CACNA1C: variants seen among roughly 807,000 people sequenced by gnomAD.
CACNA1C encodes the protein voltage-dependent L-type calcium channel subunit alpha-1C.
In CACNA1C, 30 loss-of-function variants were observed where a neutral mutation model predicts 229.0. The observed-to-expected ratio is 0.13, with a 90% CI of 0.10 to 0.18. CACNA1C has a LOEUF of 0.18. Ranked by LOEUF, CACNA1C falls within the 10% of genes least tolerant of loss-of-function variation. The pLI, the probability that CACNA1C is intolerant of heterozygous loss-of-function variation, is 1.00. For synonymous variants in CACNA1C, 1,114 were observed against 1,132.5 expected (o/e 0.98, Z 0.33); for missense variants, 1,658 against 2,845.0 (o/e 0.58, Z 9.49).
chr12:2,626,712 G>A (rs953419456), intron 29 of CACNA1C, among the ~76,000 whole-genome samples: 1 of 151,976 alleles, frequency 6.6e-6, no homozygotes, highest in African/African-American at 2.4e-5. Flanking sequence ...ATCTACCCAG[G>A]TACAAACTGA....
intron 5 of CACNA1C, among the ~76,000 whole-genome samples, chr12:2,469,677 C>T (rs1174565407): frequency 6.6e-6 from 1 of 152,210 alleles, no homozygotes; most frequent in African/African-American, 2.4e-5. Flanking sequence ...GCACCATCAA[C>T]TGCATTGAGG....
At chr12:2,446,199 GTGGA>G (rs1173010543) in intron 3 of CACNA1C, among the ~76,000 whole-genome samples, 8,687 of 136,930 alleles carry the variant, frequency 0.063, 295 homozygotes, top group South Asian at 0.13. Context: ...AGGTGGGTGG[GTGGA>G]TGGATGGATG....
chr12:2,074,700 AC>A lies in CACNA1C; in HGVS notation c.49+21095del, dbSNP rs1415668486. 2.0e-5 allele frequency among the ~76,000 whole-genome samples: 3 copies of A among 151,796 alleles called. No individual in the cohort carries two copies. The East Asian group carries it at 5.8e-4, about 29-fold the overall frequency. ...TTTCCGCAGCAAATGGATGAATTAG[AC>A]CCCCCTGCTTCGATAAAATACTTTA... On this transcript the variant is annotated intron_variant, in intron 1 of 46. Transcript: ENST00000399655.
intron 3 of CACNA1C, among the ~76,000 whole-genome samples, chr12:2,431,029 C>G (rs1548649): frequency 0.47 from 72,169 of 152,134 alleles, 18,475 homozygotes; most frequent in Admixed American, 0.56. Context: ...AGGGAGCTCC[C>G]TTCATTGACG....
chr12:2,611,269 G>T (rs984125744), intron 28 of CACNA1C, among the ~76,000 whole-genome samples: 1 of 130,118 alleles, frequency 7.7e-6, no homozygotes, highest in Non-Finnish European at 1.6e-5. Context: ...GGATGAGCTG[G>T]ATGCGTTCAT....
intron 3 of CACNA1C, among the ~76,000 whole-genome samples, chr12:2,180,235 T>C (rs1024684365): frequency 1.6e-4 from 24 of 152,210 alleles, no homozygotes; most frequent in Non-Finnish European, 4.4e-5. Flanking sequence ...CTCTTAAGTG[T>C]AGATGAAGAG....
intron 1 of CACNA1C, among the ~76,000 whole-genome samples, chr12:2,105,638 G>T: frequency 9.1e-6 from 1 of 110,132 alleles, no homozygotes; most frequent in Non-Finnish European, 2.1e-5. Flanking sequence ...GCCCACCCCG[G>T]GGAGGGTTTC....
intron 9 of CACNA1C, among the ~76,000 whole-genome samples, chr12:2,530,473 G>A (rs1325266978): frequency 6.6e-6 from 1 of 152,186 alleles, no homozygotes; most frequent in Admixed American, 6.5e-5. Flanking sequence ...ATCTGTAGCA[G>A]TGGCCATCCT....
At chr12:2,167,433 C>CA (rs2096283873) in intron 3 of CACNA1C, among the ~76,000 whole-genome samples, 1 of 152,184 alleles carries the variant, frequency 6.6e-6, no homozygotes, top group Non-Finnish European at 1.5e-5. Context: ...ATATTCTAGA[C>CA]ATTGTTGATG....
At position 2,141,790 on chromosome 12, in the gene CACNA1C, G is replaced by T. The variant is rs553697982; in HGVS notation, c.477+21360G>T. Among the ~76,000 whole-genome samples the T allele has an allele frequency of 2.6e-5, 4 of 151,288 alleles. No individual in the cohort carries two copies. In the East Asian group the frequency reaches 7.7e-4, roughly 29 times the overall value. ...CCCAGATTGCTGTATATCTGACAGC[G>T]CTTGGCCCCCATCTATCTGGAAGTG... On this transcript the variant is annotated intron_variant, in intron 3 of 46. Transcript: ENST00000399655.
chr12:2,463,122 GA>G (rs1672634494), intron 5 of CACNA1C, among the ~76,000 whole-genome samples: 1 of 152,062 alleles, frequency 6.6e-6, no homozygotes, highest in East Asian at 1.9e-4. Context: ...GGTTAGCCAG[GA>G]TGGTCTCGAT....
intron 8 of CACNA1C, among the ~76,000 whole-genome samples, chr12:2,506,201 G>C (rs977830525): frequency 2.0e-5 from 3 of 152,310 alleles, no homozygotes; most frequent in Middle Eastern, 3.4e-3. Flanking sequence ...AGGGATAACA[G>C]TGATGAGCAG....
chr12:2,662,695 A>G (rs1050106519), intron 34 of CACNA1C, among the ~76,000 whole-genome samples: 1 of 152,234 alleles, frequency 6.6e-6, no homozygotes, highest in South Asian at 2.1e-4. Context: ...TTGAAGAACA[A>G]CAGGTTGGCA....
At chr12:2,618,896 T>C (rs1180514009) in intron 29 of CACNA1C, among the ~76,000 whole-genome samples, 2 of 152,324 alleles carry the variant, frequency 1.3e-5, no homozygotes, top group East Asian at 3.9e-4. Flanking sequence ...CTGGCTGAAA[T>C]GTACTTTCTC....
chr12:2,373,212 C>T (rs1009183820), intron 3 of CACNA1C, among the ~76,000 whole-genome samples: 1 of 152,184 alleles, frequency 6.6e-6, no homozygotes, highest in African/African-American at 2.4e-5. Flanking sequence ...CATATGTTTT[C>T]TACTTATATT....
chr12:2,106,266 G>A (rs1181831857), intron 1 of CACNA1C, among the ~76,000 whole-genome samples: 2 of 53,774 alleles, frequency 3.7e-5, no homozygotes, highest in African/African-American at 1.2e-4. Context: ...GCCACTGGGC[G>A]CCCACCCCGG....
rs565769314 is a variant in CACNA1C at position 2,690,383 on chromosome 12, G to A, written c.6118-517G>A. Among the ~76,000 whole-genome samples the A allele has an allele frequency of 7.0e-4, 106 of 152,340 alleles. No individual in the cohort carries two copies. In the Middle Eastern group the frequency reaches 0.01, roughly 15 times the overall value. On this transcript the variant is annotated intron_variant, in intron 46 of 46. Transcript: ENST00000399655. ...CTCGCTCTGTCACCCAGGCTGGAGT[G>A]TAGTGGTACAATCACAGCTCAGTGC... is the stretch of plus-strand genomic sequence containing the variant.
chr12:2,452,878 A>G (rs2099391241), intron 4 of CACNA1C, among the ~76,000 whole-genome samples: 1 of 152,168 alleles, frequency 6.6e-6, no homozygotes, highest in Non-Finnish European at 1.5e-5. Flanking sequence ...AAATTTGCAA[A>G]CTGGTCTCCA....
intron 3 of CACNA1C, among the ~76,000 whole-genome samples, chr12:2,407,456 CA>C (rs1567505366): frequency 1.5e-4 from 10 of 67,064 alleles, no homozygotes; most frequent in East Asian, 3.4e-4. Context: ...GATAAGTGTG[CA>C]GTGGACATCG....
Sources: allele counts gnomAD v4.1 joint callset (sites outside exome capture counted in the v4.1 genomes callset), GRCh38; gene constraint gnomAD v4.1.1; transcripts MANE v1.5; gene names NCBI Gene and HGNC (gene_info 2026-07-23, HGNC 2026-07-21).